Variants in MYO3B observed in about 807,000 individuals in gnomAD.
The protein encoded by MYO3B is myosin-IIIb.
A neutral mutation model predicts 174.6 loss-of-function variants in MYO3B; 156 were observed. That is an observed-to-expected ratio of 0.89 (90% CI 0.78 to 1.02). The LOEUF is 1.02. MYO3B is among the 50% of genes least tolerant of loss of function. The pLI is 0.00. For synonymous variants in MYO3B, 563 were observed against 569.1 expected (o/e 0.99, Z 0.15); for missense variants, 1,632 against 1,639.4 (o/e 1.00, Z 0.08).
At chr2:170,399,410 G>A (rs946529429) in intron 16 of MYO3B, among the ~76,000 whole-genome samples, 8 of 151,212 alleles carry the variant, frequency 5.3e-5, no homozygotes, top group Admixed American at 2.0e-4. Context: ...GGAGGCAGAG[G>A]TTGCAGTGAG....
At chr2:170,326,035 A>G (rs2093864261) in intron 7 of MYO3B, among the ~76,000 whole-genome samples, 1 of 152,160 alleles carries the variant, frequency 6.6e-6, no homozygotes, top group Admixed American at 6.5e-5. Flanking sequence ...CACCAGAAAA[A>G]GTGATTGATA....
chr2:170,630,059 A>G (rs1230575482), intron 32 of MYO3B, among the ~76,000 whole-genome samples: 1 of 152,226 alleles, frequency 6.6e-6, no homozygotes, highest in Non-Finnish European at 1.5e-5. Context: ...GACTGGTCAG[A>G]AAGTGGGTGC....
At chr2:170,374,802 A>C (rs2094278466) in intron 9 of MYO3B, among the ~76,000 whole-genome samples, 1 of 138,916 alleles carries the variant, frequency 7.2e-6, no homozygotes, top group Non-Finnish European at 1.5e-5. Flanking sequence ...CACACACACT[A>C]CAGATATAGA....
intron 32 of MYO3B, chr2:170,646,862 T>C: frequency 8.2e-7 from 1 of 1,223,084 alleles, no homozygotes. Context: ...GTTCAACATT[T>C]TTCAGTATCT....
chr2:170,552,793 C>T (rs1240960205), intron 32 of MYO3B, among the ~76,000 whole-genome samples: 1 of 152,156 alleles, frequency 6.6e-6, no homozygotes, highest in Non-Finnish European at 1.5e-5. Flanking sequence ...CAGCCCCTCC[C>T]ATCAAAGGCC....
At position 170,473,139 on chromosome 2, in the gene MYO3B, C is replaced by CTTTTTTTTTTTTTTTTTTTTTTT. The variant is rs66837903; in HGVS notation, c.3014+6449_3014+6450insTTTTTTTTTTTTTTTTTTTTTTT. Among the ~76,000 whole-genome samples, 129 of 96,436 alleles carry CTTTTTTTTTTTTTTTTTTTTTTT rather than the reference C, an allele frequency of 1.3e-3. 1 individual carries two copies. Among genetic ancestry groups the CTTTTTTTTTTTTTTTTTTTTTTT allele is most frequent in the Non-Finnish European group, 2.0e-3 (93 of 46,986 alleles). The allele number at this position is 96,436 out of a possible 152,430, so 63.3% of individuals were successfully genotyped here. ...TTCTTTTTCTTTTTCTTTTTCTTTTCTTTTTTTTTTTTTTTTTTTTTGAGA... is the reference window on the plus strand; with the variant it reads ...TTCTTTTTCTTTTTCTTTTTCTTTTCTTTTTTTTTTTTTTTTTTTTTTTTTTTTTTTTTTTTTTTTTTTTGAGA... On this transcript the variant is annotated intron_variant, in intron 25 of 34. Transcript: ENST00000408978.
At chr2:170,497,700 C>T (rs548881486) in intron 25 of MYO3B, among the ~76,000 whole-genome samples, 3 of 152,128 alleles carry the variant, frequency 2.0e-5, no homozygotes, top group East Asian at 1.9e-4. Context: ...TTAAAACTTA[C>T]GTTAAATGAA....
At chr2:170,543,561 C>G (rs578045115) in intron 31 of MYO3B, among the ~76,000 whole-genome samples, 91 of 151,966 alleles carry the variant, frequency 6.0e-4, no homozygotes, top group African/African-American at 2.2e-3. Flanking sequence ...TTTTTTCTTT[C>G]TTAGAGATAA....
At chr2:170,651,788 A>G in intron 33 of MYO3B, 54 bp downstream of exon 33, 1 of 1,468,786 alleles carries the variant, frequency 6.8e-7, no homozygotes, top group Non-Finnish European at 9.5e-7. Context: ...CCAGTTAATA[A>G]TTCTGTTATT....
chr2:170,518,185 C>T (rs1365112862), intron 29 of MYO3B, among the ~76,000 whole-genome samples: 1 of 152,138 alleles, frequency 6.6e-6, no homozygotes, highest in Non-Finnish European at 1.5e-5. Flanking sequence ...TTAAAATCAG[C>T]ACATGTTCTT....
intron 8 of MYO3B, among the ~76,000 whole-genome samples, chr2:170,356,983 G>A (rs2094127083): frequency 6.6e-6 from 1 of 151,784 alleles, no homozygotes; most frequent in Non-Finnish European, 1.5e-5. Context: ...GGGTCTCCCT[G>A]TGTGGCTCAG....
intron 22 of MYO3B, among the ~76,000 whole-genome samples, chr2:170,424,708 C>T (rs2094647169): frequency 1.3e-5 from 2 of 152,158 alleles, no homozygotes; most frequent in Non-Finnish European, 2.9e-5. Context: ...GAATCAGATT[C>T]ACCATCTTCC....
Position 170,515,011 on chromosome 2 carries a change from G to C in MYO3B, c.3461G>C (p.Gly1154Ala). 1 of 1,613,970 alleles carries C rather than the reference G, an allele frequency of 6.2e-7. No homozygotes were observed. The highest frequency in any genetic ancestry group is 8.5e-7 in the Non-Finnish European group (1 of 1,179,896). The change falls in exon 29 of 35, where the codon GGT (glycine) becomes GCT (alanine). Residue 1154 changes from glycine to alanine, a missense_variant. Transcript: ENST00000408978. ...GAGGTTCAAGACTGCAGCGAGCCTGGTGACCATAAAGGTAGAGTCTTTCGA... is the reference window on the plus strand; with the variant it reads ...GAGGTTCAAGACTGCAGCGAGCCTGCTGACCATAAAGGTAGAGTCTTTCGA... ...SAEVQDCSEPGDHKVLRGSVH... is the reference protein window; with the variant it reads ...SAEVQDCSEPADHKVLRGSVH...
chr2:170,594,790 A>G (rs41424345), intron 32 of MYO3B, among the ~76,000 whole-genome samples: 32,352 of 151,384 alleles, frequency 0.21, 3,687 homozygotes, highest in East Asian at 0.44. Flanking sequence ...TGGTTGTTCC[A>G]ATCTGCCCAA....
intron 22 of MYO3B, among the ~76,000 whole-genome samples, chr2:170,415,336 C>A (rs571958007): frequency 4.6e-5 from 7 of 152,190 alleles, no homozygotes; most frequent in African/African-American, 9.6e-5. Context: ...TTCTGGCTAT[C>A]CTATCTAAAA....
intron 32 of MYO3B, among the ~76,000 whole-genome samples, chr2:170,545,210 T>C (rs1378802682): frequency 1.3e-5 from 2 of 152,236 alleles, no homozygotes; most frequent in Admixed American, 6.5e-5. Flanking sequence ...AGCTAAACCA[T>C]ACTGACAGGT....
chr2:170,376,203 A>C (rs1333404231), intron 9 of MYO3B, among the ~76,000 whole-genome samples: 3 of 152,182 alleles, frequency 2.0e-5, no homozygotes, highest in Non-Finnish European at 4.4e-5. Context: ...GTCAAGATAC[A>C]GCTCATGTAG....
At position 170,485,386 on chromosome 2, in the gene MYO3B, A is replaced by AACACACACACACAC. The variant is rs370436580; in HGVS notation, c.3015-13184_3015-13171dup. The stretch of plus-strand genomic sequence containing the variant: ...AGCTTTAGTAGTTTTATCCTTTCAG[A>AACACACACACACAC]ACACACACACACACACACACACACA... On this transcript the variant is annotated intron_variant, in intron 25 of 34. Transcript: ENST00000408978. Among the ~76,000 whole-genome samples the AACACACACACACAC allele has an allele frequency of 5.3e-4, 73 of 136,794 alleles. No homozygotes were observed. The Middle Eastern group carries it at 0.015, about 28-fold the overall frequency. 89.7% of individuals were successfully genotyped at this position (136,794 alleles called of 152,430 possible).
intron 16 of MYO3B, among the ~76,000 whole-genome samples, chr2:170,398,971 A>T (rs540560385): frequency 6.6e-6 from 1 of 152,064 alleles, no homozygotes; most frequent in South Asian, 2.1e-4. Context: ...GTTGGTCAGG[A>T]GTGGTGGCTC....
Sources: allele counts gnomAD v4.1 joint callset (sites outside exome capture counted in the v4.1 genomes callset), GRCh38; gene constraint gnomAD v4.1.1; transcripts MANE v1.5; gene names NCBI Gene and HGNC (gene_info 2026-07-23, HGNC 2026-07-21).